The following RNF20 variants were observed in gnomAD, a reference collection of about 807,000 sequenced individuals.
RNF20 encodes the protein ring finger protein 20, also known as E3 ubiquitin-protein ligase BRE1A.
Under a neutral mutation model 126.2 loss-of-function variants are expected in RNF20, and 84 were observed. The observed-to-expected ratio is 0.67, with a 90% CI of 0.56 to 0.80. The LOEUF (loss-of-function observed/expected upper bound fraction) is 0.80. RNF20 is among the 30% of genes least tolerant of loss of function. The probability of loss-of-function intolerance (pLI) is 0.00; values close to 1 mark genes in which losing one functional copy is unlikely to be tolerated. For missense variants in RNF20, 869 were observed against 1,188.2 expected (o/e 0.73, Z 3.95); for synonymous variants, 400 against 414.3 (o/e 0.97, Z 0.42).
At chr9:101,553,334 A>T (rs1827479636) in intron 13 of RNF20, among the ~76,000 whole-genome samples, 1 of 152,192 alleles carries the variant, frequency 6.6e-6, no homozygotes, top group Admixed American at 6.5e-5. Flanking sequence ...AGAACGGCTT[A>T]CTTCTTGCTC....
chr9:101,550,639 A>T lies in RNF20; in HGVS notation c.1126A>T (p.Lys376Ter), dbSNP rs765455045. 6.2e-7 allele frequency: 1 copy of T among 1,614,128 alleles called. No individual in the cohort carries two copies. The highest frequency in any genetic ancestry group is 8.5e-7 in the Non-Finnish European group (1 of 1,179,992). ...GCGGAGTGCAGTGGAGCAAGTCGTT[A>T]AGGAAACTCCAGAATATCGCTGCAT... ...ELRSAVEQVVKETPEYRCMQS... is the reference protein window; with the variant it reads ...ELRSAVEQVV The change falls in exon 10 of 20, where the codon AAG becomes TAG. Residue 376 changes from lysine to a stop codon, truncating the protein, a stop_gained. Transcript: ENST00000389120. LOFTEE classifies it high-confidence loss of function.
In RNF20 at chr9:101,560,933, T is replaced by A. The variant is rs544666433; in HGVS notation, c.2508+7T>A. Reference sequence around the variant, plus strand: ...AGAGATGAATAAACGCAAGGTATGATTGATTAATCTAATGATGGTTAGTCT... The same window carrying A: ...AGAGATGAATAAACGCAAGGTATGAATGATTAATCTAATGATGGTTAGTCT... On this transcript the variant is annotated splice_region_variant and intron_variant, in intron 17 of 19. Transcript: ENST00000389120. 2 of 1,608,342 alleles carry A rather than the reference T, an allele frequency of 1.2e-6. No individual in the cohort carries two copies. Among genetic ancestry groups the A allele is most frequent in the Admixed American group, 3.4e-5 (2 of 58,652 alleles).
At chr9:101,546,083 A>G (rs12343288) in intron 6 of RNF20, among the ~76,000 whole-genome samples, 24,439 of 152,134 alleles carry the variant, frequency 0.16, 2,293 homozygotes, top group African/African-American at 0.24. Flanking sequence ...GTGTAGTGAC[A>G]TTTCCATTGG....
At chr9:101,550,215 C>G (rs1827420662) in intron 9 of RNF20, among the ~76,000 whole-genome samples, 1 of 152,152 alleles carries the variant, frequency 6.6e-6, no homozygotes, top group South Asian at 2.1e-4. Flanking sequence ...TTAGGAGAGG[C>G]ATAACTATTT....
Position 101,546,882 on chromosome 9 carries a change from G to A in RNF20, c.810G>A (p.Met270Ile). 1 of 1,614,182 alleles carries A rather than the reference G, an allele frequency of 6.2e-7. No homozygotes were observed. Among genetic ancestry groups the A allele is most frequent in the Non-Finnish European group, 8.5e-7 (1 of 1,180,016 alleles). The change falls in exon 7 of 20, where the codon ATG becomes ATA. Residue 270 changes from methionine (M) to isoleucine (I), a missense_variant. Around this residue, in one of 8 missense-constraint regions of RNF20, gnomAD observed 103 missense variants for 94.3 expected, o/e 1.09. Coordinates refer to ENST00000389120, the MANE Select transcript of RNF20 (RefSeq NM_019592.7). ...CACGAGTGTCTGTCCTGGAGTCCAT[G>A]ATTGATGACCTGCAGTGGGATATTG... ...AESRVSVLES[M>I]IDDLQWDIDK...
intron 1 of RNF20, among the ~76,000 whole-genome samples, chr9:101,535,064 C>T (rs1197160426): frequency 2.6e-5 from 4 of 151,886 alleles, no homozygotes; most frequent in Non-Finnish European, 4.4e-5. Flanking sequence ...CCCGCCACCA[C>T]GCCTGGCTAA....
intron 9 of RNF20, among the ~76,000 whole-genome samples, chr9:101,550,254 C>T (rs778258583): frequency 4.6e-5 from 7 of 152,120 alleles, no homozygotes; most frequent in Non-Finnish European, 1.0e-4. Context: ...TTTTCTCTGT[C>T]ACTGTTATTA....
rs925443396 is a variant in RNF20 at position 101,541,222 on chromosome 9, A to G, written c.628+247A>G. ...ATAGCTAGGACTATAGGCACGTACT[A>G]CCACACCTGGCTAATATTTTAACCT... On this transcript the variant is annotated intron_variant, in intron 5 of 19. Transcript: ENST00000389120. Among the ~76,000 whole-genome samples the G allele has an allele frequency of 5.3e-5, 8 of 152,126 alleles. No individual in the cohort carries two copies. The East Asian group carries it at 1.5e-3, about 29-fold the overall frequency.
At chr9:101,549,625 C>G (rs773533655) in intron 9 of RNF20, among the ~76,000 whole-genome samples, 12 of 152,086 alleles carry the variant, frequency 7.9e-5, no homozygotes, top group Non-Finnish European at 1.3e-4. Flanking sequence ...GGTGTTTTCC[C>G]TTGACACTTA....
At chr9:101,550,451 T>G (rs1827424362) in intron 9 of RNF20, among the ~76,000 whole-genome samples, 155 bp from the exon 10 acceptor site, 2 of 152,194 alleles carry the variant, frequency 1.3e-5, no homozygotes, top group Non-Finnish European at 2.9e-5. Flanking sequence ...TTGGGGTAGA[T>G]TTTACATAAC....
chr9:101,537,112 G>A (rs991168720), intron 2 of RNF20, among the ~76,000 whole-genome samples: 1 of 152,168 alleles, frequency 6.6e-6, no homozygotes, highest in Non-Finnish European at 1.5e-5. Context: ...CTTGAAGTGG[G>A]AACAATGGCA....
intron 2 of RNF20, among the ~76,000 whole-genome samples, chr9:101,539,167 G>A (rs1025871196): frequency 3.9e-5 from 6 of 152,206 alleles, no homozygotes; most frequent in African/African-American, 1.4e-4. Context: ...TTTGGTAGAG[G>A]TTGATGTTGC....
At chr9:101,560,113 A>T (rs1223435314) in intron 16 of RNF20, among the ~76,000 whole-genome samples, 2 of 152,152 alleles carry the variant, frequency 1.3e-5, no homozygotes, top group Non-Finnish European at 2.9e-5. Flanking sequence ...TCATAAAAGG[A>T]TGCTGGATTT....
chr9:101,544,633 G>C (rs537537965), intron 5 of RNF20, 134 bp from the exon 6 acceptor site: 1 of 586,096 alleles, frequency 1.7e-6, no homozygotes, highest in Non-Finnish European at 3.0e-6. Flanking sequence ...CTCGAACCCT[G>C]GAGGCAGAGG....
rs769995733 is a variant in RNF20, at chr9:101,550,722, T to C, written c.1209T>C (p.Asp403=). Residue 403 remains aspartate, a synonymous_variant, in exon 10 of 20, where the codon GAT becomes GAC. Coordinates refer to ENST00000389120, the MANE Select transcript of RNF20 (RefSeq NM_019592.7). ...GCCTACAGTTGAAAGCACACTTGGA[T>C]GAGGCTCGGACCCTGCTTCATGGCA... ...NESLQLKAHL[D]EARTLLHGTR... 1.9e-6 allele frequency: 3 copies of C among 1,614,188 alleles called. No individual in the cohort carries two copies. Among genetic ancestry groups the C allele is most frequent in the South Asian group, 1.1e-5 (1 of 91,086 alleles).
chr9:101,540,352 C>T lies in RNF20; in HGVS notation c.279C>T (p.Val93=). 1 of 1,614,182 alleles carries T rather than the reference C, an allele frequency of 6.2e-7. No homozygotes were observed. The highest frequency in any genetic ancestry group is 8.5e-7 in the Non-Finnish European group (1 of 1,180,032). The change falls in exon 3 of 20, where the codon GTC becomes GTT. Residue 93 remains valine, a synonymous_variant. Transcript: ENST00000389120. The part of the protein sequence containing the change: ...QATDDASLLI[V]NRYWSQFDEN... ...CTGATGATGCCTCACTATTGATTGTCAACCGATACTGGAGTCAGGTAGCTA... is the reference window on the plus strand; with the variant it reads ...CTGATGATGCCTCACTATTGATTGTTAACCGATACTGGAGTCAGGTAGCTA...
rs1468303700 is a variant in RNF20, at chr9:101,546,818, A to C, written c.748-2A>C. On this transcript the variant is annotated splice_acceptor_variant, in intron 6 of 19. Coordinates refer to ENST00000389120, the MANE Select transcript of RNF20 (RefSeq NM_019592.7). LOFTEE classifies it high-confidence loss of function. Reference sequence around the variant, plus strand: ...TTCTGAATGTTTGTCTTTGGGATGTAGTTCTCCAAGTTGCAGAGTAAAGTG... The same window carrying C: ...TTCTGAATGTTTGTCTTTGGGATGTCGTTCTCCAAGTTGCAGAGTAAAGTG... 1 of 1,614,076 alleles carries C rather than the reference A, an allele frequency of 6.2e-7. No homozygotes were observed. Among genetic ancestry groups the C allele is most frequent in the Non-Finnish European group, 8.5e-7 (1 of 1,179,946 alleles).
At chr9:101,546,742 C>A in intron 6 of RNF20, 78 bp from the exon 7 acceptor site, 1 of 1,459,920 alleles carries the variant, frequency 6.8e-7, no homozygotes, top group South Asian at 1.2e-5. Context: ...TCTATAATTA[C>A]TCATAAGCAA....
chr9:101,550,504 C>T, intron 9 of RNF20, 102 bp from the exon 10 acceptor site: 2 of 887,656 alleles, frequency 2.3e-6, no homozygotes, highest in South Asian at 3.4e-5. Flanking sequence ...ATAAAATTGT[C>T]TCTCTTGTGT....
Sources: gnomAD v4.1 joint callset for allele counts (sites outside exome capture counted in the v4.1 genomes callset) on GRCh38, gnomAD v4.1.1 for gene constraint, gnomAD v4.1.1 regional missense constraint, MANE v1.5 for transcripts, NCBI Gene and HGNC (gene_info 2026-07-23, HGNC 2026-07-21) for gene names.